Variants in DACH1 observed in about 807,000 individuals in gnomAD.
DACH1 encodes dachshund family transcription factor 1, also known as dachshund homolog 1.
Under a neutral mutation model 54.2 loss-of-function variants are expected in DACH1, and 12 were observed. The observed-to-expected ratio is 0.22, with a 90% CI of 0.14 to 0.36. The LOEUF (loss-of-function observed/expected upper bound fraction) is 0.36. Ranked by LOEUF, DACH1 falls within the 10% of genes least tolerant of loss-of-function variation. The probability of loss-of-function intolerance (pLI) is 1.00; values close to 1 mark genes in which losing one functional copy is unlikely to be tolerated. For synonymous variants in DACH1, 386 were observed against 366.2 expected (o/e 1.05, Z -0.62); for missense variants, 805 against 929.8 (o/e 0.87, Z 1.75).
rs1006642131 is a variant in DACH1, at chr13:71,559,923, G to A, written c.1332C>T (p.Pro444=). The change falls in exon 5 of 11, where the codon CCC becomes CCT. Residue 444 remains proline, a synonymous_variant. Transcript: ENST00000613252. ...ERVPDSPSPA[P]SLEEGRRPGS... ...CAGGCCTTCTCCCCTCCTCCAGAGA[G>A]GGGGCAGGTGAGGGGCTATCAGGAA... The A allele has an allele frequency of 6.2e-7, 1 of 1,603,016 alleles. No individual in the cohort carries two copies. The highest frequency in any genetic ancestry group is 1.1e-5 in the South Asian group (1 of 89,450).
chr13:71,736,167 C>G (rs1884108676), intron 1 of DACH1, among the ~76,000 whole-genome samples: 2 of 152,102 alleles, frequency 1.3e-5, no homozygotes, highest in South Asian at 2.1e-4. Context: ...ATGAAAATAG[C>G]TTTTGTTCAA....
chr13:71,498,596 G>C (rs1184461692), intron 6 of DACH1, among the ~76,000 whole-genome samples: 1 of 151,642 alleles, frequency 6.6e-6, no homozygotes, highest in East Asian at 1.9e-4. Context: ...ATGGCACCTG[G>C]TGCTTATTTA....
chr13:71,866,266 G>A lies in DACH1; in HGVS notation c.504C>T (p.Pro168=). The A allele has an allele frequency of 6.3e-7, 1 of 1,598,954 alleles. No homozygotes were observed. The highest frequency in any genetic ancestry group is 8.5e-7 in the Non-Finnish European group (1 of 1,172,256). ...ACGGGGTTGAGTACACGGGTTTCCC[G>A]GGGAGGGGGCCGCAGCTGCTGCTGC... ...SSSSSSCGPL[P]GKPVYSTPSP... The change falls in exon 1 of 11, where the codon CCC becomes CCT. Residue 168 remains proline (P), a synonymous_variant. Transcript: ENST00000613252.
intron 6 of DACH1, among the ~76,000 whole-genome samples, chr13:71,510,148 G>T (rs148517586): frequency 4.6e-5 from 7 of 152,012 alleles, no homozygotes; most frequent in African/African-American, 1.4e-4. Context: ...AACCTCAATA[G>T]CAGCTTCTTC....
intron 1 of DACH1, among the ~76,000 whole-genome samples, chr13:71,718,095 G>T (rs1490205907): frequency 6.6e-6 from 1 of 151,932 alleles, no homozygotes; most frequent in Non-Finnish European, 1.5e-5. Flanking sequence ...GGATTCGAAA[G>T]TCCAGAACAA....
chr13:71,647,054 C>T (rs1322972328), intron 2 of DACH1, among the ~76,000 whole-genome samples: 1 of 152,188 alleles, frequency 6.6e-6, no homozygotes, highest in Non-Finnish European at 1.5e-5. Flanking sequence ...ATTTAGACAA[C>T]AGACTTATAA....
At chr13:71,514,358 T>C (rs1030021596) in intron 6 of DACH1, among the ~76,000 whole-genome samples, 2 of 151,868 alleles carry the variant, frequency 1.3e-5, no homozygotes, top group African/African-American at 4.8e-5. Context: ...ACTTTTGCTG[T>C]CAATGTAAAG....
intron 10 of DACH1, among the ~76,000 whole-genome samples, chr13:71,454,521 C>T (rs960290177): frequency 2.6e-5 from 4 of 152,210 alleles, no homozygotes; most frequent in African/African-American, 9.7e-5. Context: ...GTTGTGGGCA[C>T]ACTCTTCTTC....
intron 1 of DACH1, among the ~76,000 whole-genome samples, chr13:71,801,456 T>C (rs974706174): frequency 1.3e-5 from 2 of 152,114 alleles, no homozygotes; most frequent in African/African-American, 2.4e-5. Context: ...GAACAGTTCA[T>C]GTAAGTCAGT....
intron 6 of DACH1, among the ~76,000 whole-genome samples, chr13:71,548,159 C>A (rs962283810): frequency 2.6e-5 from 4 of 152,096 alleles, no homozygotes; most frequent in Non-Finnish European, 5.9e-5. Context: ...ATATTTTGAA[C>A]AAACAAGAAA....
intron 2 of DACH1, among the ~76,000 whole-genome samples, chr13:71,632,968 C>A (rs967991512): frequency 4.6e-5 from 7 of 152,128 alleles, no homozygotes; most frequent in African/African-American, 1.4e-4. Flanking sequence ...TGTTTTCCAG[C>A]AAATCTTTCT....
intron 2 of DACH1, among the ~76,000 whole-genome samples, chr13:71,645,694 T>C (rs1035113585): frequency 2.6e-5 from 4 of 152,176 alleles, no homozygotes; most frequent in African/African-American, 7.2e-5. Flanking sequence ...AATTAATTAA[T>C]TGTAACATTG....
intron 2 of DACH1, among the ~76,000 whole-genome samples, chr13:71,667,834 A>T (rs911662224): frequency 1.3e-5 from 2 of 152,110 alleles, no homozygotes; most frequent in Non-Finnish European, 1.5e-5. Flanking sequence ...ATATTGTAAC[A>T]CTAAGGGATT....
At chr13:71,650,475 A>G (rs1230174557) in intron 2 of DACH1, among the ~76,000 whole-genome samples, 1 of 152,184 alleles carries the variant, frequency 6.6e-6, no homozygotes, top group Non-Finnish European at 1.5e-5. Context: ...AATAAAAGTT[A>G]AAATATTTAA....
chr13:71,446,755 G>A (rs1208828994), intron 10 of DACH1, among the ~76,000 whole-genome samples: 1 of 152,162 alleles, frequency 6.6e-6, no homozygotes, highest in Non-Finnish European at 1.5e-5. Context: ...TCTGCTCTTT[G>A]CCTTCCTCCT....
At chr13:71,503,815 T>C (rs1196013962) in intron 6 of DACH1, among the ~76,000 whole-genome samples, 1 of 152,234 alleles carries the variant, frequency 6.6e-6, no homozygotes, top group African/African-American at 2.4e-5. Context: ...GTGACCTTTA[T>C]ATCCCTTTTA....
rs570886428 is a variant in DACH1, at chr13:71,800,397, A to G, written c.848+65525T>C. ...ACACAAGAGTTTGGGAAGCAAGTAT[A>G]GTTTTTAGATCAGCACTCTCTACCG... On this transcript the variant is annotated intron_variant, in intron 1 of 10. Coordinates refer to ENST00000613252, the MANE Select transcript of DACH1 (RefSeq NM_080759.6). Among the ~76,000 whole-genome samples, 7 of 152,268 alleles carry G rather than the reference A, an allele frequency of 4.6e-5. 1 individual carries two copies. Among genetic ancestry groups the G allele is most frequent in the African/African-American group, 1.4e-4 (6 of 41,580 alleles).
Position 71,571,548 on chromosome 13 carries a change from T to C in DACH1, c.1299+1292A>G, listed in dbSNP as rs577358382. Reference sequence around the variant, plus strand: ...TGGCACTCACTGGCGCTCTCTGAGGTGGTGATCTTTGAGTAGTTGATCCAG... The same window carrying C: ...TGGCACTCACTGGCGCTCTCTGAGGCGGTGATCTTTGAGTAGTTGATCCAG... On this transcript the variant is annotated intron_variant, in intron 4 of 10. Coordinates refer to ENST00000613252, the MANE Select transcript of DACH1 (RefSeq NM_080759.6). 2.0e-4 allele frequency among the ~76,000 whole-genome samples: 30 copies of C among 152,142 alleles called. No individual in the cohort carries two copies. The South Asian group carries it at 6.0e-3, about 31-fold the overall frequency.
intron 3 of DACH1, among the ~76,000 whole-genome samples, chr13:71,628,256 T>C (rs895369427): frequency 3.9e-5 from 6 of 152,022 alleles, no homozygotes; most frequent in Non-Finnish European, 7.4e-5. Flanking sequence ...TCACCACTGC[T>C]TTGTACCTCC....
Sources: gnomAD v4.1 joint callset for allele counts (sites outside exome capture counted in the v4.1 genomes callset) on GRCh38, gnomAD v4.1.1 for gene constraint, MANE v1.5 for transcripts, NCBI Gene and HGNC (gene_info 2026-07-23, HGNC 2026-07-21) for gene names.